The following ACOT12 variants were observed in gnomAD, a reference collection of about 807,000 sequenced individuals.
ACOT12 encodes the protein acyl-CoA thioesterase 12.
In ACOT12, 51 loss-of-function variants were observed where a neutral mutation model predicts 67.7. The observed-to-expected ratio is 0.75, with a 90% CI of 0.60 to 0.95. The LOEUF is 0.95. ACOT12 is among the 40% of genes least tolerant of loss of function. ACOT12 has a pLI of 0.00. For synonymous variants in ACOT12, 251 were observed against 244.6 expected, an observed-to-expected ratio of 1.03 and a Z score of -0.24; for missense variants, 734 against 708.1, an observed-to-expected ratio of 1.04 and a Z score of -0.41.
intron 11 of ACOT12, among the ~76,000 whole-genome samples, chr5:81,338,022 G>A (rs1038888630): frequency 6.6e-6 from 1 of 152,276 alleles, no homozygotes; most frequent in Non-Finnish European, 1.5e-5. Flanking sequence ...CCCCTAGAAG[G>A]TGAGGGTAGC....
intron 5 of ACOT12, among the ~76,000 whole-genome samples, chr5:81,352,040 C>G (rs1759568078): frequency 6.6e-6 from 1 of 152,236 alleles, no homozygotes; most frequent in Middle Eastern, 3.4e-3. Flanking sequence ...AAATGCAAAT[C>G]AAAACTACAA....
chr5:81,327,153 A>G (rs913245777), downstream of ACOT12, among the ~76,000 whole-genome samples: 10 of 146,636 alleles, frequency 6.8e-5, no homozygotes, highest in African/African-American at 2.6e-4. Context: ...GATTATATAT[A>G]TGTGATTATA....
At chr5:81,344,093 G>A (rs1020967700) in intron 9 of ACOT12, 67 bp downstream of exon 9, 19 of 1,523,378 alleles carry the variant, frequency 1.2e-5, no homozygotes, top group East Asian at 2.3e-5. Context: ...GACCCAGAGG[G>A]GGGCTCTTAT....
the ACOT12 span, among the ~76,000 whole-genome samples, chr5:81,313,571 A>G: frequency 6.6e-5 from 10 of 152,338 alleles, no homozygotes; most frequent in South Asian, 1.4e-3. Context: ...TGATGAATTC[A>G]TGCATACTTA....
intron 4 of ACOT12, among the ~76,000 whole-genome samples, chr5:81,360,356 T>C (rs562591532): frequency 7.2e-5 from 11 of 152,334 alleles, no homozygotes; most frequent in African/African-American, 2.6e-4. Flanking sequence ...AATGAGGAGA[T>C]GGACTTTGAC....
chr5:81,391,436 A>G (rs778348438), intron 1 of ACOT12, among the ~76,000 whole-genome samples: 1 of 152,188 alleles, frequency 6.6e-6, no homozygotes, highest in Non-Finnish European at 1.5e-5. Context: ...GTTAACTTTC[A>G]AGTGTTATAA....
intron 2 of ACOT12, among the ~76,000 whole-genome samples, chr5:81,372,262 A>G (rs569741476): frequency 1.3e-5 from 2 of 152,202 alleles, no homozygotes; most frequent in Admixed American, 6.5e-5. Context: ...TGGGCCCTCA[A>G]TGATGCTAGG....
chr5:81,340,609 C>T (rs1759163565), intron 11 of ACOT12, among the ~76,000 whole-genome samples: 2 of 152,230 alleles, frequency 1.3e-5, no homozygotes, highest in South Asian at 2.1e-4. Context: ...ATCCACCTGC[C>T]TCGGCCTCCC....
At chr5:81,355,586 T>TA (rs1214579817) in intron 5 of ACOT12, among the ~76,000 whole-genome samples, 5 of 152,074 alleles carry the variant, frequency 3.3e-5, no homozygotes, top group African/African-American at 4.8e-5. Flanking sequence ...CAGACCTGGA[T>TA]AAAAAAAGCG....
chr5:81,382,759 G>A (rs1324578513), intron 2 of ACOT12, among the ~76,000 whole-genome samples: 1 of 151,290 alleles, frequency 6.6e-6, no homozygotes, highest in Non-Finnish European at 1.5e-5. Context: ...CTGAGATTGC[G>A]CCATCGCACT....
At chr5:81,332,633 G>A (rs1300454046) in intron 12 of ACOT12, 28 bp from the exon 13 acceptor site, 14 of 1,612,224 alleles carry the variant, frequency 8.7e-6, no homozygotes, top group Non-Finnish European at 1.2e-5. Context: ...TGAAAAGCAG[G>A]TATACTTTCT....
At chr5:81,334,567 C>G (rs907317132) in intron 12 of ACOT12, among the ~76,000 whole-genome samples, 1 of 152,180 alleles carries the variant, frequency 6.6e-6, no homozygotes, top group Non-Finnish European at 1.5e-5. Context: ...AACACGTGAC[C>G]TCAGAGATGT....
the ACOT12 span, chr5:81,308,657 G>A: frequency 6.2e-7 from 1 of 1,613,794 alleles, no homozygotes; most frequent in East Asian, 2.2e-5. Flanking sequence ...TTACAGGTGT[G>A]GGTCCACAGA....
chr5:81,311,783 T>C, the ACOT12 span, among the ~76,000 whole-genome samples: 212 of 152,318 alleles, frequency 1.4e-3, 2 homozygotes, highest in African/African-American at 5.0e-3. Flanking sequence ...CCAGCCTTAT[T>C]CATCAAACAC....
chr5:81,335,608 C>T (rs1269348908), intron 12 of ACOT12, among the ~76,000 whole-genome samples, 160 bp downstream of exon 12: 1 of 152,172 alleles, frequency 6.6e-6, no homozygotes, highest in African/African-American at 2.4e-5. Context: ...CAACTATCCA[C>T]CTGCCTCAGC....
At chr5:81,310,162 A>AAAAAAAAAAAAAAAAAAAAAAAAAAAAAG in the ACOT12 span, among the ~76,000 whole-genome samples, 1 of 149,558 alleles carries the variant, frequency 6.7e-6, no homozygotes, top group African/African-American at 2.5e-5. Context: ...AGCTGTAAAA[A>AAAAAAAAAAAAAAAAAAAAAAAAAAAAAG]AAAAAAAAAA....
intron 11 of ACOT12, among the ~76,000 whole-genome samples, chr5:81,340,664 AG>A (rs1759166253): frequency 2.0e-5 from 3 of 152,224 alleles, no homozygotes. Flanking sequence ...CTGGCCCAAA[AG>A]TATGATTCTT....
intron 11 of ACOT12, among the ~76,000 whole-genome samples, chr5:81,340,337 A>G (rs1759153028): frequency 6.7e-6 from 1 of 150,126 alleles, no homozygotes; most frequent in Non-Finnish European, 1.5e-5. Flanking sequence ...GCGCCTGCCC[A>G]GAAAGTATGA....
At chr5:81,365,412 T>C (rs2153855347) in intron 3 of ACOT12, among the ~76,000 whole-genome samples, 1 of 152,284 alleles carries the variant, frequency 6.6e-6, no homozygotes, top group South Asian at 2.1e-4. Flanking sequence ...TTCCCAACTC[T>C]CAACCCTCAA....
Sources: gnomAD v4.1 joint callset for allele counts (sites outside exome capture counted in the v4.1 genomes callset) on GRCh38, gnomAD v4.1.1 for gene constraint, MANE v1.5 for transcripts, NCBI Gene and HGNC (gene_info 2026-07-23, HGNC 2026-07-21) for gene names.